NYAP2: variants seen among roughly 807,000 people sequenced by gnomAD.
NYAP2 encodes the protein neuronal tyrosine-phosphorylated phosphoinositide-3-kinase adaptor 2, also known as neuronal tyrosine-phosphorylated phosphoinositide-3-kinase adapter 2.
Under a neutral mutation model 50.4 loss-of-function variants are expected in NYAP2, and 23 were observed. The ratio of observed to expected loss-of-function variants is 0.46; its 90% CI spans 0.33 to 0.65. The LOEUF (loss-of-function observed/expected upper bound fraction) is 0.65. NYAP2 is among the 30% of genes least tolerant of loss of function. NYAP2 has a pLI of 0.02. For synonymous variants in NYAP2, 394 were observed against 365.2 expected (o/e 1.08, Z -0.90); for missense variants, 885 against 861.0 (o/e 1.03, Z -0.35).
chr2:225,590,421 T>C lies in NYAP2; in HGVS notation c.1618+7386T>C, dbSNP rs80274607. On this transcript the variant is annotated intron_variant, in intron 5 of 6. Transcript: ENST00000636099. ...GTGAGTGGTCCAAATGCCTGCATCA[T>C]ATTCACCTGGATGTTGTTAAAAATA... is the stretch of plus-strand genomic sequence containing the variant. Among the ~76,000 whole-genome samples, 1,183 of 152,336 alleles carry C rather than the reference T, an allele frequency of 7.8e-3. 16 individuals carry two copies. The highest frequency in any genetic ancestry group is 0.027 in the African/African-American group (1,123 of 41,562).
intron 4 of NYAP2, among the ~76,000 whole-genome samples, chr2:225,564,339 T>C (rs17410507): frequency 0.033 from 4,937 of 151,618 alleles, 118 homozygotes; most frequent in Non-Finnish European, 0.045. Flanking sequence ...AGGATTAGAT[T>C]TTTCCATTGT....
chr2:225,679,490 A>ATTTTT, the NYAP2 span, among the ~76,000 whole-genome samples: 1 of 98,152 alleles, frequency 1.0e-5, no homozygotes, highest in African/African-American at 3.6e-5. Context: ...GGAGCTTCTA[A>ATTTTT]TTGTTTTTTT....
intron 3 of NYAP2, among the ~76,000 whole-genome samples, chr2:225,484,798 G>T (rs965475429): frequency 1.3e-5 from 2 of 152,228 alleles, no homozygotes; most frequent in African/African-American, 4.8e-5. Flanking sequence ...GATTGGCCTG[G>T]TCTGGTGGTT....
chr2:225,697,571 T>C, the NYAP2 span, among the ~76,000 whole-genome samples: 18 of 152,098 alleles, frequency 1.2e-4, no homozygotes, highest in East Asian at 3.5e-3. Flanking sequence ...AAAAAAACAT[T>C]CATTCAAATC....
At chr2:225,617,562 CA>C (rs914486902) in intron 5 of NYAP2, among the ~76,000 whole-genome samples, 1 of 151,846 alleles carries the variant, frequency 6.6e-6, no homozygotes, top group Non-Finnish European at 1.5e-5. Context: ...TTAAATATTG[CA>C]AAAAAATAGG....
At chr2:225,439,905 G>A (rs1163870484) in intron 3 of NYAP2, among the ~76,000 whole-genome samples, 2 of 152,176 alleles carry the variant, frequency 1.3e-5, no homozygotes, top group East Asian at 3.9e-4. Context: ...CTGCATGGCT[G>A]GGAGGCCTCA....
chr2:225,680,137 A>T, the NYAP2 span, among the ~76,000 whole-genome samples: 1 of 152,178 alleles, frequency 6.6e-6, no homozygotes, highest in Admixed American at 6.6e-5. Context: ...TGGATTCTTC[A>T]GTTTAGCTAC....
At chr2:225,439,070 G>A (rs116736812) in intron 3 of NYAP2, among the ~76,000 whole-genome samples, 249 of 152,276 alleles carry the variant, frequency 1.6e-3, no homozygotes, top group African/African-American at 5.7e-3. Flanking sequence ...AGGGTGAGGC[G>A]GTAACAGTTG....
At chr2:225,598,409 T>C (rs1374886465) in intron 5 of NYAP2, among the ~76,000 whole-genome samples, 2 of 152,204 alleles carry the variant, frequency 1.3e-5, no homozygotes, top group Non-Finnish European at 2.9e-5. Context: ...AAACCAAGAA[T>C]AGTTGAAGTA....
At chr2:225,536,244 C>T (rs1435014471) in intron 4 of NYAP2, among the ~76,000 whole-genome samples, 1 of 152,198 alleles carries the variant, frequency 6.6e-6, no homozygotes, top group Non-Finnish European at 1.5e-5. Context: ...CTTCTTCCTC[C>T]TGTTCTCCCA....
rs563107567 is a variant in NYAP2, at chr2:225,643,755, C to G, written c.1829-7677C>G. ...GATGATTTCCACTTTCATCCATGTC[C>G]CTACAAAGGACAAGAACTCATCATT... On this transcript the variant is annotated intron_variant, in intron 6 of 6. Coordinates refer to ENST00000636099, the Ensembl canonical transcript of NYAP2. Among the ~76,000 whole-genome samples, 7 of 151,848 alleles carry G rather than the reference C, an allele frequency of 4.6e-5. No homozygotes were observed. The East Asian group carries it at 1.4e-3, about 29-fold the overall frequency.
At chr2:225,632,099 G>A (rs1693328337) in intron 6 of NYAP2, among the ~76,000 whole-genome samples, 1 of 152,092 alleles carries the variant, frequency 6.6e-6, no homozygotes, top group Non-Finnish European at 1.5e-5. Flanking sequence ...GGGATTGCCC[G>A]GCCACCTTTG....
chr2:225,588,389 C>A (rs1312999633), intron 5 of NYAP2, among the ~76,000 whole-genome samples: 1 of 151,610 alleles, frequency 6.6e-6, no homozygotes, highest in East Asian at 1.9e-4. Flanking sequence ...GCTCCAAACA[C>A]ACAAAACAAA....
At chr2:225,632,548 A>T (rs76958362) in intron 6 of NYAP2, among the ~76,000 whole-genome samples, 150 of 152,314 alleles carry the variant, frequency 9.8e-4, no homozygotes, top group Non-Finnish European at 1.5e-3. Flanking sequence ...GTGTCAGGAG[A>T]TCTCAATTCT....
In NYAP2 at chr2:225,418,647, A is replaced by G. The variant is rs1695164420; in HGVS notation, c.221+9546A>G. On this transcript the variant is annotated intron_variant, in intron 3 of 6. Transcript: ENST00000636099. Reference sequence around the variant, plus strand: ...ATGTTTGGTGAGAAAAGTTTTAGACATAGTATGTTTGAGATGTGTGTTAGG... The same window carrying G: ...ATGTTTGGTGAGAAAAGTTTTAGACGTAGTATGTTTGAGATGTGTGTTAGG... Among the ~76,000 whole-genome samples, 8 of 152,310 alleles carry G rather than the reference A, an allele frequency of 5.3e-5. No homozygotes were observed. The South Asian group carries it at 1.7e-3, about 32-fold the overall frequency.
chr2:225,521,698 G>A (rs1574656857), intron 4 of NYAP2, among the ~76,000 whole-genome samples: 1 of 151,836 alleles, frequency 6.6e-6, no homozygotes, highest in African/African-American at 2.4e-5. Flanking sequence ...GAGGATTTTT[G>A]CATCAATGTT....
At chr2:225,651,736 A>G in exon 7 of NYAP2, 1 of 714,538 alleles carries the variant, frequency 1.4e-6, no homozygotes, top group Non-Finnish European at 2.3e-6. Flanking sequence ...CTTCCTTGTG[A>G]TTGGTGGTGA....
chr2:225,540,037 G>A (rs535903718), intron 4 of NYAP2, among the ~76,000 whole-genome samples: 1 of 152,294 alleles, frequency 6.6e-6, no homozygotes, highest in Non-Finnish European at 1.5e-5. Flanking sequence ...TTTTGCTCCA[G>A]TTCCCAACAA....
chr2:225,561,720 C>T (rs1184781657), intron 4 of NYAP2, among the ~76,000 whole-genome samples: 4 of 151,972 alleles, frequency 2.6e-5, no homozygotes, highest in African/African-American at 4.8e-5. Context: ...ACAATTCACC[C>T]AGATAGTTGC....
Sources: allele counts gnomAD v4.1 joint callset (sites outside exome capture counted in the v4.1 genomes callset), GRCh38; gene constraint gnomAD v4.1.1; transcripts MANE v1.5; gene names NCBI Gene and HGNC (gene_info 2026-07-23, HGNC 2026-07-21).